The following RPRD1A variants were observed in gnomAD, a reference collection of about 807,000 sequenced individuals.
The protein encoded by RPRD1A is regulation of nuclear pre-mRNA domain-containing protein 1A.
Under a neutral mutation model 37.8 loss-of-function variants are expected in RPRD1A, and 9 were observed. The ratio of observed to expected loss-of-function variants is 0.24; its 90% CI spans 0.14 to 0.42. RPRD1A has a LOEUF of 0.42. Ranked by LOEUF, RPRD1A falls within the 10% of genes least tolerant of loss-of-function variation. RPRD1A has a pLI of 1.00. For missense variants in RPRD1A, 255 were observed against 371.0 expected (o/e 0.69, Z 2.57); for synonymous variants, 138 against 139.7 (o/e 0.99, Z 0.08).
intron 1 of RPRD1A, among the ~76,000 whole-genome samples, chr18:36,066,929 C>T (rs2089042424): frequency 6.6e-6 from 1 of 152,214 alleles, no homozygotes; most frequent in South Asian, 2.1e-4. Context: ...CTCCCTTATC[C>T]TCCATTATCA....
intron 6 of RPRD1A, among the ~76,000 whole-genome samples, chr18:35,997,149 T>C (rs1164163512): frequency 6.6e-6 from 1 of 152,128 alleles, no homozygotes; most frequent in Non-Finnish European, 1.5e-5. Flanking sequence ...CAAATTCCTA[T>C]TTAGAATATT....
rs115054014 is a variant in RPRD1A at position 36,043,610 on chromosome 18, G to C, written c.152-9773C>G. Among the ~76,000 whole-genome samples the C allele has an allele frequency of 4.4e-3, 670 of 152,258 alleles. 1 individual carries two copies. Among genetic ancestry groups the C allele is most frequent in the African/African-American group, 0.015 (626 of 41,562 alleles). ...ATAAAATACACTGTCAACTGGAACA[G>C]TTATGGAAGAATATACACCATACCC... On this transcript the variant is annotated intron_variant, in intron 1 of 6. Coordinates refer to ENST00000399022, the MANE Select transcript of RPRD1A (RefSeq NM_018170.5).
At chr18:36,049,315 A>G (rs912269943) in intron 1 of RPRD1A, among the ~76,000 whole-genome samples, 3 of 152,202 alleles carry the variant, frequency 2.0e-5, no homozygotes, top group African/African-American at 7.2e-5. Context: ...ATTAGGAGAA[A>G]CTAATTTCTT....
chr18:36,032,930 G>T (rs575514383), intron 2 of RPRD1A, among the ~76,000 whole-genome samples: 1 of 152,298 alleles, frequency 6.6e-6, no homozygotes, highest in East Asian at 1.9e-4. Context: ...ATCTGGACTG[G>T]AGCATAAAAC....
rs775119607 is a variant in RPRD1A at position 36,067,247 on chromosome 18, G to A, written c.151+7C>T. The A allele has an allele frequency of 6.3e-7, 1 of 1,578,310 alleles. No homozygotes were observed. Among genetic ancestry groups the A allele is most frequent in the Non-Finnish European group, 8.6e-7 (1 of 1,162,310 alleles). On this transcript the variant is annotated splice_region_variant and intron_variant, in intron 1 of 6. Coordinates refer to ENST00000399022, the MANE Select transcript of RPRD1A (RefSeq NM_018170.5). ...TGGGAAGCGGCCGACATAAGCGGTT[G>A]ACTCACCTTTCCGCAGCTCCCGCTC...
chr18:36,019,806 G>A (rs990722101), intron 6 of RPRD1A, among the ~76,000 whole-genome samples: 3 of 152,164 alleles, frequency 2.0e-5, no homozygotes, highest in Non-Finnish European at 4.4e-5. Context: ...CTGGGGGACC[G>A]AGGTGAGCGG....
At position 35,991,398 on chromosome 18, in the gene RPRD1A, G is replaced by A. The variant is rs1908709701; in HGVS notation, c.*1753C>T. ...CTACACCTAGGGACAGAGGTACACA[G>A]ACATCCCAGGGTGTGAGTGTGGCTG... is the stretch of plus-strand genomic sequence containing the variant. On this transcript the variant is annotated 3_prime_UTR_variant, in exon 7 of 7. Coordinates refer to ENST00000399022, the MANE Select transcript of RPRD1A (RefSeq NM_018170.5). The A allele has an allele frequency of 6.6e-6, 1 of 152,150 alleles. No homozygotes were observed. The highest frequency in any genetic ancestry group is 2.1e-4 in the South Asian group (1 of 4,814). 9.4% of individuals were successfully genotyped at this position (152,150 alleles called of 1,614,324 possible). A position where few individuals can be genotyped will look rare whatever the true frequency, so the allele number is the denominator to read the frequency against.
chr18:36,033,530 C>T (rs1911963836), intron 2 of RPRD1A, among the ~76,000 whole-genome samples, 178 bp downstream of exon 2: 1 of 151,990 alleles, frequency 6.6e-6, no homozygotes, highest in Admixed American at 6.6e-5. Flanking sequence ...AATATTTTTC[C>T]TTCAGAGAAG....
intron 6 of RPRD1A, among the ~76,000 whole-genome samples, chr18:36,005,361 CATAATG>C (rs753087722): frequency 2.6e-5 from 4 of 151,840 alleles, no homozygotes; most frequent in Non-Finnish European, 5.9e-5. Flanking sequence ...AAAAAGAAAA[CATAATG>C]AAACAAAATA....
chr18:36,014,909 A>G (rs1910408634), intron 6 of RPRD1A, among the ~76,000 whole-genome samples: 1 of 152,156 alleles, frequency 6.6e-6, no homozygotes, highest in Admixed American at 6.5e-5. Context: ...CCTAATATAC[A>G]TTAGGATAGC....
intron 1 of RPRD1A, among the ~76,000 whole-genome samples, chr18:36,051,755 G>A (rs967031046): frequency 3.3e-5 from 5 of 152,056 alleles, no homozygotes; most frequent in African/African-American, 4.8e-5. Context: ...GTCAAAAGCA[G>A]GGAAAATTAC....
intron 1 of RPRD1A, among the ~76,000 whole-genome samples, chr18:36,050,157 T>C (rs1913274187): frequency 6.6e-6 from 1 of 151,796 alleles, no homozygotes; most frequent in African/African-American, 2.4e-5. Flanking sequence ...CTGGAGATAA[T>C]GATGAGTGCT....
chr18:36,016,598 T>C (rs1262094095), intron 6 of RPRD1A, among the ~76,000 whole-genome samples: 4 of 152,192 alleles, frequency 2.6e-5, no homozygotes, highest in South Asian at 4.1e-4. Context: ...ATTTTACTTC[T>C]AGGAATTTAT....
chr18:36,039,930 A>G (rs1393508679), intron 1 of RPRD1A, among the ~76,000 whole-genome samples: 1 of 152,142 alleles, frequency 6.6e-6, no homozygotes, highest in Non-Finnish European at 1.5e-5. Context: ...ATACACATAC[A>G]TATCAATGGG....
intron 1 of RPRD1A, 67 bp downstream of exon 1, chr18:36,067,187 G>C (rs2089048857): frequency 6.7e-7 from 1 of 1,483,810 alleles, no homozygotes; most frequent in East Asian, 2.5e-5. Context: ...TGGAGAAACG[G>C]GGTTCCCGGG....
intron 6 of RPRD1A, chr18:36,025,591 A>T: frequency 7.9e-7 from 1 of 1,268,106 alleles, no homozygotes; most frequent in East Asian, 5.6e-5. Context: ...ATGAGACAAT[A>T]CAGGCTTCAG....
At chr18:35,997,914 CT>C in intron 6 of RPRD1A, among the ~76,000 whole-genome samples, 1 of 152,306 alleles carries the variant, frequency 6.6e-6, no homozygotes, top group East Asian at 1.9e-4. Context: ...AACTACCATC[CT>C]TCATAACGTT....
intron 1 of RPRD1A, among the ~76,000 whole-genome samples, chr18:36,046,589 C>T (rs994188886): frequency 3.3e-5 from 5 of 151,582 alleles, no homozygotes; most frequent in African/African-American, 7.3e-5. Context: ...CAGCACTATA[C>T]GGAGGCCGGG....
intron 1 of RPRD1A, among the ~76,000 whole-genome samples, chr18:36,052,541 A>G (rs1486099123): frequency 1.3e-5 from 2 of 152,278 alleles, no homozygotes; most frequent in East Asian, 3.9e-4. Flanking sequence ...AAAGGAGGAC[A>G]GGGCTATAGA....
Sources: allele counts gnomAD v4.1 joint callset (sites outside exome capture counted in the v4.1 genomes callset), GRCh38; gene constraint gnomAD v4.1.1; transcripts MANE v1.5; gene names NCBI Gene and HGNC (gene_info 2026-07-23, HGNC 2026-07-21).